ZBTB20: variants seen among roughly 807,000 people sequenced by gnomAD.
The protein encoded by ZBTB20 is zinc finger and BTB domain containing 20.
Under a neutral mutation model 56.9 loss-of-function variants are expected in ZBTB20, and 9 were observed. That is an observed-to-expected ratio of 0.16 (90% CI 0.10 to 0.28). The LOEUF (loss-of-function observed/expected upper bound fraction) is 0.28. Ranked by LOEUF, ZBTB20 falls within the 10% of genes least tolerant of loss-of-function variation. ZBTB20 has a pLI of 1.00. For synonymous variants in ZBTB20, 417 were observed against 420.7 expected (o/e 0.99, Z 0.11); for missense variants, 655 against 1,003.0 (o/e 0.65, Z 4.69).
At chr3:114,928,747 G>A (rs1225892777) in intron 3 of ZBTB20, among the ~76,000 whole-genome samples, 1 of 152,182 alleles carries the variant, frequency 6.6e-6, no homozygotes, top group East Asian at 1.9e-4. Context: ...TTTCAAATTT[G>A]AGAATTAAGC....
intron 4 of ZBTB20, among the ~76,000 whole-genome samples, chr3:114,816,203 G>A (rs889159712): frequency 1.3e-5 from 2 of 152,028 alleles, no homozygotes; most frequent in African/African-American, 4.8e-5. Context: ...TGGTTAATAC[G>A]GAAATACACA....
At chr3:114,706,517 C>A (rs2063727412) in intron 5 of ZBTB20, among the ~76,000 whole-genome samples, 1 of 151,944 alleles carries the variant, frequency 6.6e-6, no homozygotes, top group African/African-American at 2.4e-5. Context: ...ACTTAATAAC[C>A]CTTGACTTTT....
At chr3:114,452,126 C>T (rs887295694) in intron 7 of ZBTB20, among the ~76,000 whole-genome samples, 2 of 151,884 alleles carry the variant, frequency 1.3e-5, no homozygotes, top group African/African-American at 4.8e-5. Flanking sequence ...GCAGGGACAA[C>T]AGCCCACAGC....
intron 10 of ZBTB20, among the ~76,000 whole-genome samples, chr3:114,375,218 G>GT (rs1280150195): frequency 6.6e-6 from 1 of 152,150 alleles, no homozygotes; most frequent in African/African-American, 2.4e-5. Flanking sequence ...TTTCAGTAAA[G>GT]TTTTTTATTT....
At chr3:115,007,525 G>C (rs1205628495) in intron 2 of ZBTB20, among the ~76,000 whole-genome samples, 1 of 151,414 alleles carries the variant, frequency 6.6e-6, no homozygotes, top group Non-Finnish European at 1.5e-5. Context: ...TCACTTATAT[G>C]CTCAACTTTT....
chr3:114,845,077 T>G (rs914063363), intron 4 of ZBTB20, among the ~76,000 whole-genome samples: 1 of 151,988 alleles, frequency 6.6e-6, no homozygotes, highest in East Asian at 1.9e-4. Flanking sequence ...TCATGAAATC[T>G]AATTTATCAA....
chr3:114,408,863 T>C (rs1001404510), intron 7 of ZBTB20, among the ~76,000 whole-genome samples: 1 of 152,164 alleles, frequency 6.6e-6, no homozygotes, highest in Admixed American at 6.5e-5. Flanking sequence ...AGCTCCTCTC[T>C]AGCTGGTCTC....
At chr3:114,417,314 C>T (rs1456444343) in intron 7 of ZBTB20, among the ~76,000 whole-genome samples, 1 of 152,020 alleles carries the variant, frequency 6.6e-6, no homozygotes, top group Non-Finnish European at 1.5e-5. Context: ...CCACAGAAAA[C>T]ACTCATGTGG....
intron 4 of ZBTB20, among the ~76,000 whole-genome samples, chr3:114,882,093 T>C (rs1256180674): frequency 6.6e-6 from 1 of 151,970 alleles, no homozygotes; most frequent in East Asian, 1.9e-4. Context: ...ACAAAGAGGC[T>C]ATACAAACCA....
At chr3:114,503,486 A>G (rs967663473) in intron 6 of ZBTB20, among the ~76,000 whole-genome samples, 4 of 152,198 alleles carry the variant, frequency 2.6e-5, no homozygotes, top group African/African-American at 9.6e-5. Flanking sequence ...TATTTGCTCA[A>G]TTCAAATTGT....
intron 6 of ZBTB20, among the ~76,000 whole-genome samples, chr3:114,533,588 C>T (rs780287736): frequency 6.6e-6 from 1 of 152,152 alleles, no homozygotes; most frequent in East Asian, 1.9e-4. Context: ...AGGAGAGCTT[C>T]CCCAGCCTAG....
intron 6 of ZBTB20, among the ~76,000 whole-genome samples, chr3:114,541,625 A>G (rs543222586): frequency 2.7e-4 from 41 of 152,278 alleles, no homozygotes; most frequent in African/African-American, 9.9e-4. Context: ...CATTTATGTA[A>G]TAAACAAACC....
In ZBTB20 at chr3:114,321,128, AATTT is replaced by A. The variant is rs1381732261; in HGVS notation, c.*17873_*17876del. 6.6e-6 allele frequency: 1 copy of A among 152,236 alleles called. No homozygotes were observed. Among genetic ancestry groups the A allele is most frequent in the Non-Finnish European group, 1.5e-5 (1 of 68,048 alleles). The allele number at this position is 152,236 out of a possible 1,614,324, so 9.4% of individuals were successfully genotyped here. A position where few individuals can be genotyped will look rare whatever the true frequency, so the allele number is the denominator to read the frequency against. ...GGAGCTGCTACTGGTATTTATATTT[AATTT>A]GGAGGAATTTCCAGCCCACTGATAA... On this transcript the variant is annotated 3_prime_UTR_variant, in exon 12 of 12. Coordinates refer to ENST00000675478, the MANE Select transcript of ZBTB20 (RefSeq NM_001348800.3).
At position 114,329,203 on chromosome 3, in the gene ZBTB20, A is replaced by G. The variant is rs2079156297; in HGVS notation, c.*9802T>C. 1 of 152,226 alleles carries G rather than the reference A, an allele frequency of 6.6e-6. No individual in the cohort carries two copies. Among genetic ancestry groups the G allele is most frequent in the African/African-American group, 2.4e-5 (1 of 41,452 alleles). 9.4% of individuals were successfully genotyped at this position (152,226 alleles called of 1,614,324 possible). A position where few individuals can be genotyped will look rare whatever the true frequency, so the allele number is the denominator to read the frequency against. On this transcript the variant is annotated 3_prime_UTR_variant, in exon 12 of 12. Coordinates refer to ENST00000675478, the MANE Select transcript of ZBTB20 (RefSeq NM_001348800.3). Reference sequence around the variant, plus strand: ...CAGAATGGGATGGGATTAGAAAACAACAATCTATTAGGAAAGATGAAAGGA... The same window carrying G: ...CAGAATGGGATGGGATTAGAAAACAGCAATCTATTAGGAAAGATGAAAGGA...
chr3:114,946,325 G>A lies in ZBTB20; in HGVS notation c.-456+28041C>T, dbSNP rs141109605. ...ATCATATAGAATATCTTCTCTGACC[G>A]TAATTGAATTAAGCTCAAAATTAAT... On this transcript the variant is annotated intron_variant, in intron 3 of 11. Transcript: ENST00000675478. Among the ~76,000 whole-genome samples the A allele has an allele frequency of 1.3e-3, 184 of 145,438 alleles. 6 individuals are homozygous for A. The highest frequency in any genetic ancestry group is 2.7e-3 in the Admixed American group (41 of 15,084).
At chr3:114,913,133 T>C (rs1309000441) in intron 3 of ZBTB20, among the ~76,000 whole-genome samples, 2 of 151,950 alleles carry the variant, frequency 1.3e-5, no homozygotes, top group African/African-American at 4.8e-5. Context: ...GGTAGATCTG[T>C]TTTTAGTTTT....
intron 5 of ZBTB20, among the ~76,000 whole-genome samples, chr3:114,725,836 T>C (rs1267825276): frequency 6.6e-6 from 1 of 152,184 alleles, no homozygotes; most frequent in African/African-American, 2.4e-5. Context: ...TTTTCAGCAT[T>C]ATACAACAAT....
intron 4 of ZBTB20, among the ~76,000 whole-genome samples, chr3:114,867,849 G>A (rs1272655038): frequency 1.3e-5 from 2 of 152,224 alleles, no homozygotes; most frequent in East Asian, 3.8e-4. Context: ...ACATGCTGGA[G>A]ATGGCAATTA....
intron 4 of ZBTB20, among the ~76,000 whole-genome samples, chr3:114,808,129 G>A (rs2072252315): frequency 6.6e-6 from 1 of 152,062 alleles, no homozygotes; most frequent in Non-Finnish European, 1.5e-5. Context: ...TGTATAAATT[G>A]TATGTCTTTT....
Sources: gnomAD v4.1 joint callset for allele counts (sites outside exome capture counted in the v4.1 genomes callset) on GRCh38, gnomAD v4.1.1 for gene constraint, MANE v1.5 for transcripts, NCBI Gene and HGNC (gene_info 2026-07-23, HGNC 2026-07-21) for gene names.